Variants in TTC28 observed in about 807,000 individuals in gnomAD.
The protein encoded by TTC28 is tetratricopeptide repeat protein 28.
A neutral mutation model predicts 198.0 loss-of-function variants in TTC28; 61 were observed. The observed-to-expected ratio is 0.31, with a 90% CI of 0.25 to 0.38. TTC28 has a LOEUF of 0.38. Among genes scored for constraint, TTC28 ranks in the 10% least tolerant of loss-of-function variants. TTC28 has a pLI of 1.00. For missense variants in TTC28, 2,678 were observed against 3,164.0 expected (o/e 0.85, Z 3.69); for synonymous variants, 1,171 against 1,297.8 (o/e 0.90, Z 2.10).
chr22:28,489,810 C>A (rs2048352310), intron 2 of TTC28, among the ~76,000 whole-genome samples: 1 of 151,960 alleles, frequency 6.6e-6, no homozygotes, highest in African/African-American at 2.4e-5. Context: ...AATAAAAAAA[C>A]AGGCTGGGTG....
chr22:28,538,933 G>A (rs542587793), intron 2 of TTC28, among the ~76,000 whole-genome samples: 1 of 152,136 alleles, frequency 6.6e-6, no homozygotes, highest in Non-Finnish European at 1.5e-5. Context: ...AAGAACTTGT[G>A]TGAACTTTTT....
chr22:28,248,393 G>A (rs1347415466), intron 5 of TTC28, among the ~76,000 whole-genome samples: 1 of 152,062 alleles, frequency 6.6e-6, no homozygotes, highest in Non-Finnish European at 1.5e-5. Context: ...AAAAATAAGA[G>A]TTAATTCCAA....
intron 12 of TTC28, among the ~76,000 whole-genome samples, chr22:28,037,356 G>A (rs962906493): frequency 6.6e-6 from 1 of 152,182 alleles, no homozygotes; most frequent in Non-Finnish European, 1.5e-5. Flanking sequence ...TGTAAGGCTG[G>A]TTCAACATAC....
chr22:28,134,863 A>G (rs1331840091), intron 6 of TTC28, among the ~76,000 whole-genome samples: 1 of 152,096 alleles, frequency 6.6e-6, no homozygotes, highest in African/African-American at 2.4e-5. Flanking sequence ...TGCTGAGACT[A>G]TATTTCTGTG....
intron 2 of TTC28, among the ~76,000 whole-genome samples, chr22:28,471,861 CTT>C (rs1214417286): frequency 3.3e-5 from 5 of 152,054 alleles, no homozygotes; most frequent in Non-Finnish European, 7.4e-5. Flanking sequence ...AGGGTAAAAA[CTT>C]AATGCTTCAT....
intron 5 of TTC28, among the ~76,000 whole-genome samples, chr22:28,187,154 A>C (rs1322332421): frequency 6.6e-6 from 1 of 152,176 alleles, no homozygotes; most frequent in Non-Finnish European, 1.5e-5. Flanking sequence ...GAAATGCTGA[A>C]CAGAGGAACT....
chr22:28,132,206 CT>C (rs1254733914), intron 6 of TTC28, among the ~76,000 whole-genome samples: 1 of 152,182 alleles, frequency 6.6e-6, no homozygotes, highest in Non-Finnish European at 1.5e-5. Flanking sequence ...GATACATATA[CT>C]TGAAGGTGTC....
chr22:28,508,494 A>G (rs1460502671), intron 2 of TTC28, among the ~76,000 whole-genome samples: 5 of 152,130 alleles, frequency 3.3e-5, no homozygotes, highest in Admixed American at 3.3e-4. Context: ...CATGTTGGCG[A>G]GGATGGTCTC....
intron 2 of TTC28, among the ~76,000 whole-genome samples, chr22:28,486,602 T>C (rs1360590737): frequency 6.6e-6 from 1 of 152,162 alleles, no homozygotes; most frequent in Non-Finnish European, 1.5e-5. Context: ...ATGAAAATGG[T>C]ATAAATACAG....
intron 2 of TTC28, among the ~76,000 whole-genome samples, chr22:28,402,478 G>A (rs1273620516): frequency 1.3e-5 from 2 of 152,136 alleles, no homozygotes; most frequent in Admixed American, 6.5e-5. Context: ...TGATCATTAC[G>A]TGTCATTGGT....
chr22:28,367,801 A>G (rs1240744213), intron 2 of TTC28, among the ~76,000 whole-genome samples: 1 of 152,058 alleles, frequency 6.6e-6, no homozygotes, highest in East Asian at 1.9e-4. Context: ...ATGCCAATAA[A>G]TAGGAAAATC....
intron 12 of TTC28, among the ~76,000 whole-genome samples, chr22:28,033,261 C>T (rs927546592): frequency 5.9e-5 from 9 of 152,146 alleles, no homozygotes; most frequent in South Asian, 2.1e-4. Flanking sequence ...AACAAGCAGG[C>T]GATGTCACAG....
chr22:28,635,146 C>G (rs1461553484), intron 1 of TTC28, among the ~76,000 whole-genome samples: 2 of 151,884 alleles, frequency 1.3e-5, no homozygotes, highest in African/African-American at 4.8e-5. Flanking sequence ...ACGGTGAAAC[C>G]CCATCTCTAC....
intron 1 of TTC28, among the ~76,000 whole-genome samples, chr22:28,644,195 C>A (rs541388859): frequency 1.3e-5 from 2 of 150,926 alleles, no homozygotes; most frequent in Middle Eastern, 3.5e-3. Context: ...GTCAGGAGAT[C>A]GAGACCATCC....
intron 15 of TTC28, chr22:28,000,262 C>T (rs924084057): frequency 6.6e-6 from 1 of 152,176 alleles, no homozygotes; most frequent in African/African-American, 2.4e-5. Context: ...CAAAAATGGT[C>T]AAAATTCAGA....
intron 6 of TTC28, among the ~76,000 whole-genome samples, chr22:28,130,334 GTC>G (rs1246432987): frequency 6.6e-6 from 1 of 152,146 alleles, no homozygotes; most frequent in East Asian, 1.9e-4. Context: ...ATTCATTACA[GTC>G]TCTCGGGAGC....
chr22:28,383,147 A>G (rs2046522612), intron 2 of TTC28, among the ~76,000 whole-genome samples: 1 of 152,174 alleles, frequency 6.6e-6, no homozygotes, highest in Non-Finnish European at 1.5e-5. Context: ...AATTCTATTC[A>G]TTTGTTCATT....
In TTC28 at chr22:27,998,898, G is replaced by A. The variant is rs1220626875; in HGVS notation, c.4761C>T (p.Asp1587=). Reference sequence around the variant, plus strand: ...AGATGCTCTCCCCATCACTGGCATCGTCCTGCACCCGCAAGGACTCAGGGA... The same window carrying A: ...AGATGCTCTCCCCATCACTGGCATCATCCTGCACCCGCAAGGACTCAGGGA... ...YTIPESLRVQ[D]DASDGESISD... is the part of the protein sequence containing the mutation. Residue 1587 remains aspartate, a synonymous_variant, in exon 16 of 23, where the codon GAC becomes GAT. Coordinates refer to ENST00000397906, the MANE Select transcript of TTC28 (RefSeq NM_001145418.2). 15 of 1,550,362 alleles carry A rather than the reference G, an allele frequency of 9.7e-6. No individual in the cohort carries two copies. The highest frequency in any genetic ancestry group is 9.5e-5 in the South Asian group (8 of 84,064).
At chr22:28,402,526 T>G (rs183282170) in intron 2 of TTC28, among the ~76,000 whole-genome samples, 1 of 152,360 alleles carries the variant, frequency 6.6e-6, no homozygotes, top group East Asian at 1.9e-4. Flanking sequence ...TGGACTTCTA[T>G]ACCTTAAAAT....
Sources: allele counts gnomAD v4.1 joint callset (sites outside exome capture counted in the v4.1 genomes callset), GRCh38; gene constraint gnomAD v4.1.1; transcripts MANE v1.5; gene names NCBI Gene and HGNC (gene_info 2026-07-23, HGNC 2026-07-21).